PCDHA9: variants seen among roughly 807,000 people sequenced by gnomAD.
PCDHA9 encodes the protein protocadherin alpha-9.
Under a neutral mutation model 62.0 loss-of-function variants are expected in PCDHA9, and 62 were observed. The ratio of observed to expected loss-of-function variants is 1.00; its 90% confidence interval spans 0.81 to 1.23. The LOEUF is 1.23. PCDHA9 is among the 50% of genes most tolerant of loss of function. The pLI is 0.00. For synonymous variants in PCDHA9, 557 were observed against 567.6 expected, an observed-to-expected ratio of 0.98 and a Z score of 0.27; for missense variants, 1,205 against 1,249.8, an observed-to-expected ratio of 0.96 and a Z score of 0.54.
intron 1 of PCDHA9, among the ~76,000 whole-genome samples, chr5:140,873,086 C>A (rs984385666): frequency 1.3e-5 from 2 of 152,240 alleles, no homozygotes; most frequent in African/African-American, 2.4e-5. Flanking sequence ...ATTTCCCCCC[C>A]GTATAGAGGC....
At chr5:140,855,056 G>C (rs1045590902) in intron 1 of PCDHA9, among the ~76,000 whole-genome samples, 1 of 149,630 alleles carries the variant, frequency 6.7e-6, no homozygotes, top group Non-Finnish European at 1.5e-5. Flanking sequence ...GTACTTTTCT[G>C]TTTTCTTAAA....
chr5:140,878,662 C>T (rs1479409326), intron 1 of PCDHA9, among the ~76,000 whole-genome samples: 1 of 152,194 alleles, frequency 6.6e-6, no homozygotes, highest in African/African-American at 2.4e-5. Flanking sequence ...CCAGAGGCTT[C>T]TCTTTAACCA....
intron 1 of PCDHA9, chr5:140,884,600 C>G: frequency 6.2e-7 from 1 of 1,614,150 alleles, no homozygotes; most frequent in African/African-American, 1.3e-5. Flanking sequence ...CAGCCTTCCT[C>G]CTTGTCTGGG....
intron 3 of PCDHA9, among the ~76,000 whole-genome samples, chr5:141,006,960 G>A (rs1183082923): frequency 6.6e-6 from 1 of 152,184 alleles, no homozygotes; most frequent in Non-Finnish European, 1.5e-5. Flanking sequence ...TTATACATGA[G>A]ATTGGAGCAC....
chr5:140,869,670 T>G, intron 1 of PCDHA9: 1 of 1,613,470 alleles, frequency 6.2e-7, no homozygotes, highest in Non-Finnish European at 8.5e-7. Context: ...GTAAGCAGAT[T>G]AAAAGACTGT....
chr5:140,896,929 G>A (rs2065808653), intron 1 of PCDHA9, among the ~76,000 whole-genome samples: 2 of 152,106 alleles, frequency 1.3e-5, no homozygotes, highest in African/African-American at 4.8e-5. Flanking sequence ...ATCACATCAT[G>A]GAAAATGGAA....
chr5:140,927,260 T>G, intron 1 of PCDHA9: 2 of 1,614,070 alleles, frequency 1.2e-6, no homozygotes, highest in Non-Finnish European at 1.7e-6. Flanking sequence ...AACTCACCTC[T>G]CTTTCCTGCC....
At chr5:140,908,103 TC>T (rs1554193224) in intron 1 of PCDHA9, among the ~76,000 whole-genome samples, 2 of 152,192 alleles carry the variant, frequency 1.3e-5, no homozygotes, top group Non-Finnish European at 2.9e-5. Flanking sequence ...TGAAGTTCTG[TC>T]CACTGGGAAG....
At chr5:140,862,414 C>T in intron 1 of PCDHA9, 2 of 351,200 alleles carry the variant, frequency 5.7e-6, no homozygotes, top group South Asian at 2.2e-5. Flanking sequence ...CTTCAAAAGG[C>T]GCTGCCCAGA....
intron 1 of PCDHA9, among the ~76,000 whole-genome samples, chr5:140,952,242 C>A (rs1469286013): frequency 6.6e-6 from 1 of 151,750 alleles, no homozygotes; most frequent in Admixed American, 6.6e-5. Flanking sequence ...CTGCTTAGAA[C>A]TGCTGGTGGA....
At chr5:140,911,464 A>T (rs1300349898) in intron 1 of PCDHA9, among the ~76,000 whole-genome samples, 2 of 152,144 alleles carry the variant, frequency 1.3e-5, no homozygotes, top group African/African-American at 2.4e-5. Flanking sequence ...TCTACAGGAG[A>T]TAAGACTCTC....
chr5:140,871,658 C>A, intron 1 of PCDHA9: 1 of 1,224,214 alleles, frequency 8.2e-7, no homozygotes, highest in Non-Finnish European at 1.1e-6. Flanking sequence ...TGATACACAT[C>A]TTCAGTCTTT....
intron 1 of PCDHA9, among the ~76,000 whole-genome samples, chr5:140,906,888 A>C (rs1438258969): frequency 6.6e-6 from 1 of 152,102 alleles, no homozygotes; most frequent in Admixed American, 6.5e-5. Flanking sequence ...CTTCCTTCTT[A>C]GATTGTTGGT....
chr5:140,964,252 T>G (rs569615423), intron 1 of PCDHA9, among the ~76,000 whole-genome samples: 6 of 152,332 alleles, frequency 3.9e-5, no homozygotes, highest in African/African-American at 1.2e-4. Flanking sequence ...GGCTTTATAT[T>G]TGACTCCTTA....
intron 1 of PCDHA9, among the ~76,000 whole-genome samples, chr5:140,909,844 C>T (rs572833280): frequency 7.9e-5 from 12 of 152,276 alleles, no homozygotes; most frequent in African/African-American, 2.4e-4. Context: ...ACCACCAGGA[C>T]GTTTTCGGTC....
chr5:140,855,822 A>G (rs1409014183), intron 1 of PCDHA9: 5 of 538,132 alleles, frequency 9.3e-6, no homozygotes, highest in South Asian at 3.1e-5. Flanking sequence ...TTGTGAACTC[A>G]TGGAATCGTA....
chr5:140,980,021 A>C (rs1472439975), intron 2 of PCDHA9, among the ~76,000 whole-genome samples: 2 of 152,248 alleles, frequency 1.3e-5, no homozygotes. Context: ...AAATGAGCAG[A>C]AATCATTACA....
intron 1 of PCDHA9, among the ~76,000 whole-genome samples, chr5:140,908,751 C>T (rs1302522906): frequency 6.6e-6 from 1 of 152,170 alleles, no homozygotes; most frequent in Non-Finnish European, 1.5e-5. Context: ...GCAACTTGCA[C>T]ACAGCCTGGA....
At chr5:140,925,092 AGGAAGGAAGGAAGGAG>A (rs1190692996) in intron 1 of PCDHA9, among the ~76,000 whole-genome samples, 1 of 151,410 alleles carries the variant, frequency 6.6e-6, no homozygotes, top group Non-Finnish European at 1.5e-5. Flanking sequence ...AAAGGAAGGA[AGGAAGGAAGGAAGGAG>A]GGAAGGAAGG....
Sources: gnomAD v4.1 joint callset for allele counts (sites outside exome capture counted in the v4.1 genomes callset) on GRCh38, gnomAD v4.1.1 for gene constraint, MANE v1.5 for transcripts, NCBI Gene and HGNC (gene_info 2026-07-23, HGNC 2026-07-21) for gene names.